Variants in POLD3 observed in about 807,000 individuals in gnomAD.
POLD3 encodes DNA polymerase delta 3, accessory subunit, also known as DNA polymerase delta subunit 3.
A neutral mutation model predicts 58.2 loss-of-function variants in POLD3; 19 were observed. That is an observed-to-expected ratio of 0.33 (90% CI 0.23 to 0.48). The LOEUF is 0.48. Among genes scored for constraint, POLD3 ranks in the 20% least tolerant of loss-of-function variants. POLD3 has a pLI of 0.99. For missense variants in POLD3, 504 were observed against 545.5 expected (o/e 0.92, Z 0.76); for synonymous variants, 172 against 193.5 (o/e 0.89, Z 0.92).
At chr11:74,669,124 G>T, downstream of POLD3, 1 of 198,492 alleles carries the variant, frequency 5.0e-6, no homozygotes, top group South Asian at 7.9e-5. Flanking sequence ...TGTGACGTTG[G>T]GCAGCTGACC....
intron 9 of POLD3, among the ~76,000 whole-genome samples, chr11:74,631,987 A>C (rs1340982060): frequency 6.6e-6 from 1 of 151,944 alleles, no homozygotes; most frequent in Non-Finnish European, 1.5e-5. Context: ...GTAGTACTAT[A>C]TACTCTCTTT....
At chr11:74,633,653 T>C (rs1308447462) in intron 9 of POLD3, among the ~76,000 whole-genome samples, 2 of 152,240 alleles carry the variant, frequency 1.3e-5, no homozygotes, top group Non-Finnish European at 2.9e-5. Context: ...GGATTTTTAC[T>C]TCCCCTCTCA....
At chr11:74,637,982 C>T (rs1274540086) in intron 11 of POLD3, among the ~76,000 whole-genome samples, 1 of 151,942 alleles carries the variant, frequency 6.6e-6, no homozygotes, top group Non-Finnish European at 1.5e-5. Flanking sequence ...GTTTAGAAAG[C>T]TCATCTTTCT....
chr11:74,635,869 C>G (rs2032733457), intron 10 of POLD3, among the ~76,000 whole-genome samples: 1 of 152,194 alleles, frequency 6.6e-6, no homozygotes, highest in Non-Finnish European at 1.5e-5. Context: ...TCTCTCTCCT[C>G]CACTAAGGTC....
intron 2 of POLD3, among the ~76,000 whole-genome samples, chr11:74,600,842 C>T (rs914596492): frequency 1.3e-5 from 2 of 150,572 alleles, no homozygotes; most frequent in Non-Finnish European, 3.0e-5. Context: ...TTCAGCCTCC[C>T]GAGTAACTGG....
chr11:74,623,693 T>C (rs965322158), intron 7 of POLD3, among the ~76,000 whole-genome samples: 20 of 152,238 alleles, frequency 1.3e-4, no homozygotes, highest in African/African-American at 4.8e-4. Context: ...TTAAAGGTCA[T>C]AATTGGTTAT....
chr11:74,629,045 G>A (rs1415055882), intron 8 of POLD3, 172 bp from the exon 9 acceptor site: 1 of 461,852 alleles, frequency 2.2e-6, no homozygotes, highest in Non-Finnish European at 3.8e-6. Context: ...TGACTTAGTT[G>A]TGGTCAGTTA....
chr11:74,636,225 G>A lies in POLD3; in HGVS notation c.1148G>A (p.Arg383Gln), dbSNP rs150870592. The A allele has an allele frequency of 8.7e-6, 14 of 1,610,644 alleles. No homozygotes were observed. In the East Asian group the frequency reaches 1.3e-4, roughly 15 times the overall value. The stretch of plus-strand genomic sequence containing the variant: ...TCAAGTGGAGAAAACAAAAGAAAAC[G>A]AAAACGCGTACTAAAATCTAAAACT... ...KSSSGENKRK[R>Q]KRVLKSKTYL... is the part of the protein sequence containing the mutation. The change falls in exon 11 of 12, where the codon CGA (arginine) becomes CAA (glutamine). Residue 383 changes from arginine (R) to glutamine (Q), a missense_variant. Arg to Gln is a conservative substitution (Grantham distance 43, BLOSUM62 1). Transcript: ENST00000263681.
intron 3 of POLD3, among the ~76,000 whole-genome samples, chr11:74,609,073 A>G (rs775613141): frequency 3.4e-4 from 52 of 152,036 alleles, no homozygotes; most frequent in Non-Finnish European, 6.5e-4. Context: ...CGAGGTTTAG[A>G]AAAGCAAAAC....
At chr11:74,598,365 A>G (rs1212046002) in intron 2 of POLD3, among the ~76,000 whole-genome samples, 1 of 152,180 alleles carries the variant, frequency 6.6e-6, no homozygotes, top group Non-Finnish European at 1.5e-5. Flanking sequence ...TGCTAATTAT[A>G]TGTCTTTCCC....
chr11:74,625,487 G>A lies in POLD3; in HGVS notation c.813G>A (p.Thr271=), dbSNP rs371066786. 43 of 1,613,658 alleles carry A rather than the reference G, an allele frequency of 2.7e-5. No homozygotes were observed. Among genetic ancestry groups the A allele is most frequent in the Middle Eastern group, 3.3e-4 (2 of 6,082 alleles). Residue 271 remains threonine, a synonymous_variant, in exon 8 of 12, where the codon ACG becomes ACA. Coordinates refer to ENST00000263681, the MANE Select transcript of POLD3 (RefSeq NM_006591.3). ...KIVEQPTVSV[T]EPKLATPAGL... ...TGGAGCAGCCTACAGTGTCTGTCAC[G>A]GAACCAAAGCTGGCAACTCCTGCAG...
chr11:74,604,108 A>G (rs967340802), intron 2 of POLD3, among the ~76,000 whole-genome samples: 1 of 152,206 alleles, frequency 6.6e-6, no homozygotes, highest in East Asian at 1.9e-4. Flanking sequence ...AGAGCTGGAC[A>G]TTTGTGATCA....
At position 74,642,333 on chromosome 11, in the gene POLD3, G is replaced by A. The variant is rs1014748088; in HGVS notation, c.*1567G>A. The A allele has an allele frequency of 9.1e-6, 9 of 985,218 alleles. No homozygotes were observed. In the Admixed American group the frequency reaches 3.7e-4, roughly 40 times the overall value. 61.0% of individuals were successfully genotyped at this position (985,218 alleles called of 1,614,324 possible). The stretch of plus-strand genomic sequence containing the variant: ...AAACCCTTCTTTTTAAAAGGAAAAA[G>A]GATGGAGAGAAGGATGGAAAGCCTG... On this transcript the variant is annotated 3_prime_UTR_variant, in exon 12 of 12. Transcript: ENST00000263681.
At chr11:74,618,211 T>C (rs1437347223) in intron 5 of POLD3, among the ~76,000 whole-genome samples, 1 of 135,490 alleles carries the variant, frequency 7.4e-6, no homozygotes, top group Non-Finnish European at 1.6e-5. Flanking sequence ...TCCTACTCTT[T>C]TGAATTAGAA....
At chr11:74,660,694 T>G (rs2033194577) in intron 4 of POLD3, among the ~76,000 whole-genome samples, 1 of 152,082 alleles carries the variant, frequency 6.6e-6, no homozygotes, top group African/African-American at 2.4e-5. Flanking sequence ...GGGTAGCACC[T>G]CCCCCTGTGC....
chr11:74,655,900 G>A (rs949865088), intron 4 of POLD3, among the ~76,000 whole-genome samples: 11 of 152,136 alleles, frequency 7.2e-5, no homozygotes, highest in Non-Finnish European at 1.2e-4. Context: ...CAGATTGAAA[G>A]GAAGGCATAA....
chr11:74,637,920 A>G (rs2032797435), intron 11 of POLD3, among the ~76,000 whole-genome samples: 1 of 151,752 alleles, frequency 6.6e-6, no homozygotes, highest in African/African-American at 2.4e-5. Context: ...TTCCAAATGT[A>G]CCAGCATAGG....
chr11:74,625,464 G>A lies in POLD3; in HGVS notation c.790G>A (p.Glu264Lys), dbSNP rs1288585380. Residue 264 changes from glutamate (E) to lysine (K), a missense_variant, in exon 8 of 12, where the codon GAG becomes AAG. By Grantham distance (56) the Glu-to-Lys change is moderately conservative (BLOSUM62 1). Coordinates refer to ENST00000263681, the MANE Select transcript of POLD3 (RefSeq NM_006591.3). Reference protein sequence around the residue: ...EQAVKEEKIVEQPTVSVTEPK... With the variant: ...EQAVKEEKIVKQPTVSVTEPK... ...AGCAGTGAAAGAAGAAAAAATAGTG[G>A]AGCAGCCTACAGTGTCTGTCACGGA... 1.2e-6 allele frequency: 2 copies of A among 1,613,238 alleles called. No individual in the cohort carries two copies. Among genetic ancestry groups the A allele is most frequent in the African/African-American group, 2.7e-5 (2 of 74,862 alleles).
At chr11:74,645,906 G>C (rs750033226), downstream of POLD3, among the ~76,000 whole-genome samples, 3 of 151,186 alleles carry the variant, frequency 2.0e-5, no homozygotes, top group Non-Finnish European at 4.4e-5. Context: ...CTATGTATTA[G>C]TTCATACTTC....
Sources: gnomAD v4.1 joint callset for allele counts (sites outside exome capture counted in the v4.1 genomes callset) on GRCh38, gnomAD v4.1.1 for gene constraint, MANE v1.5 for transcripts, NCBI Gene and HGNC (gene_info 2026-07-23, HGNC 2026-07-21) for gene names.